The following CSMD1 variants were observed in gnomAD, a reference collection of about 807,000 sequenced individuals.
CSMD1 encodes CUB and Sushi multiple domains 1.
CSMD1 carries 213 observed loss-of-function variants against 417.5 expected under a neutral mutation model. The observed-to-expected ratio is 0.51, with a 90% CI of 0.46 to 0.57. The LOEUF (loss-of-function observed/expected upper bound fraction) is 0.57. Among genes scored for constraint, CSMD1 ranks in the 20% least tolerant of loss-of-function variants. The pLI is 0.00. For synonymous variants in CSMD1, 2,862 were observed against 1,736.8 expected, an observed-to-expected ratio of 1.65 and a Z score of -16.11; for missense variants, 6,923 against 4,529.7, an observed-to-expected ratio of 1.53 and a Z score of -15.17.
At chr8:3,939,486 G>A (rs1413870136) in intron 5 of CSMD1, among the ~76,000 whole-genome samples, 1 of 152,126 alleles carries the variant, frequency 6.6e-6, no homozygotes, top group African/African-American at 2.4e-5. Context: ...GAACTACCAT[G>A]TGATTCAGCA....
At chr8:4,332,538 G>A (rs1351721885) in intron 3 of CSMD1, among the ~76,000 whole-genome samples, 5 of 138,666 alleles carry the variant, frequency 3.6e-5, no homozygotes, top group African/African-American at 1.1e-4. Flanking sequence ...ATACCCTTCT[G>A]TCATGATATC....
chr8:3,554,387 G>T (rs1033296387), intron 10 of CSMD1, among the ~76,000 whole-genome samples: 1 of 152,206 alleles, frequency 6.6e-6, no homozygotes, highest in Non-Finnish European at 1.5e-5. Context: ...TGGGATTGAG[G>T]AGGAAGACAA....
chr8:4,738,400 G>A (rs1810378946), intron 1 of CSMD1, among the ~76,000 whole-genome samples: 2 of 152,090 alleles, frequency 1.3e-5, no homozygotes, highest in Admixed American at 6.6e-5. Flanking sequence ...TTCAAATGGT[G>A]GCAGAAGGAG....
intron 2 of CSMD1, among the ~76,000 whole-genome samples, chr8:4,551,588 C>T (rs1797870979): frequency 6.6e-6 from 1 of 152,176 alleles, no homozygotes; most frequent in Admixed American, 6.5e-5. Flanking sequence ...TGTCACCCCA[C>T]ACTCAAGATG....
chr8:4,041,296 C>G (rs57287234), intron 3 of CSMD1, among the ~76,000 whole-genome samples: 40,051 of 151,942 alleles, frequency 0.26, 5,406 homozygotes, highest in Admixed American at 0.29. Flanking sequence ...GGATTACATG[C>G]GTGAGCCACC....
chr8:4,852,114 A>G (rs187138780), intron 1 of CSMD1, among the ~76,000 whole-genome samples: 4 of 152,128 alleles, frequency 2.6e-5, no homozygotes, highest in Admixed American at 6.6e-5. Flanking sequence ...TGAAACTGCT[A>G]TTTTCTCCCA....
At chr8:3,292,749 G>C (rs1462868930) in intron 25 of CSMD1, among the ~76,000 whole-genome samples, 3 of 152,104 alleles carry the variant, frequency 2.0e-5, no homozygotes, top group Admixed American at 6.5e-5. Flanking sequence ...TTCCTGAATA[G>C]AGCACACTGA....
intron 51 of CSMD1, among the ~76,000 whole-genome samples, chr8:3,027,184 G>A (rs1348119583): frequency 6.6e-6 from 1 of 151,872 alleles, no homozygotes; most frequent in Non-Finnish European, 1.5e-5. Flanking sequence ...CAGGCCTTTT[G>A]GGGGGAAAAA....
chr8:4,105,366 G>C (rs1258799510), intron 3 of CSMD1, among the ~76,000 whole-genome samples: 1 of 151,778 alleles, frequency 6.6e-6, no homozygotes, highest in Non-Finnish European at 1.5e-5. Flanking sequence ...ATGTGCTTTA[G>C]ACATGTAACT....
chr8:4,714,281 G>A (rs922358760), intron 1 of CSMD1, among the ~76,000 whole-genome samples: 20 of 152,120 alleles, frequency 1.3e-4, no homozygotes, highest in South Asian at 8.3e-4. Flanking sequence ...ACAAACAGAT[G>A]CCATCTTTTT....
At chr8:3,804,597 T>C (rs1800628282) in intron 5 of CSMD1, among the ~76,000 whole-genome samples, 1 of 152,198 alleles carries the variant, frequency 6.6e-6, no homozygotes, top group Admixed American at 6.5e-5. Context: ...GCATATTTTG[T>C]AGTATCTTTT....
intron 1 of CSMD1, among the ~76,000 whole-genome samples, chr8:4,649,684 A>T (rs1803760814): frequency 6.6e-6 from 1 of 152,260 alleles, no homozygotes; most frequent in South Asian, 2.1e-4. Context: ...AACTACATTA[A>T]TTGGAAAAAA....
chr8:3,140,692 G>A (rs1311194534), intron 41 of CSMD1, among the ~76,000 whole-genome samples: 3 of 150,812 alleles, frequency 2.0e-5, no homozygotes, highest in Non-Finnish European at 4.4e-5. Context: ...TAAGCATTCT[G>A]TGGAATTAGG....
At chr8:3,414,813 T>A (rs574410358) in intron 12 of CSMD1, among the ~76,000 whole-genome samples, 19 of 152,302 alleles carry the variant, frequency 1.2e-4, no homozygotes, top group African/African-American at 4.3e-4. Flanking sequence ...AAATATTTAG[T>A]CCATTCTTTC....
chr8:4,960,676 C>T (rs1484596837), intron 1 of CSMD1, among the ~76,000 whole-genome samples: 1 of 152,134 alleles, frequency 6.6e-6, no homozygotes, highest in African/African-American at 2.4e-5. Context: ...TACGTACATA[C>T]ATACATGCAT....
rs66499504 is a variant in CSMD1, at chr8:3,772,189, TACACAC to T, written c.819-18153_819-18148del. ...CAACATATATATATATATATATATA[TACACAC>T]ACACACACACACACACACACATATA... is the stretch of plus-strand genomic sequence containing the variant. On this transcript the variant is annotated intron_variant, in intron 5 of 69. Coordinates refer to ENST00000635120, the MANE Select transcript of CSMD1 (RefSeq NM_033225.6). Among the ~76,000 whole-genome samples the T allele has an allele frequency of 7.5e-3, 752 of 100,876 alleles. 89 individuals are homozygous for T. Among genetic ancestry groups the T allele is most frequent in the Middle Eastern group, 0.043 (7 of 164 alleles). The allele number at this position is 100,876 out of a possible 152,430, so 66.2% of individuals were successfully genotyped here.
Position 3,468,093 on chromosome 8 carries a change from G to A in CSMD1, c.1561+619C>T, listed in dbSNP as rs531468373. On this transcript the variant is annotated intron_variant, in intron 12 of 69. Transcript: ENST00000635120. ...AGAATCCAAAGATCACAACTATATA[G>A]ACAATCAGAAATACTGAAATAAACT... is the stretch of plus-strand genomic sequence containing the variant. Among the ~76,000 whole-genome samples, 9 of 152,214 alleles carry A rather than the reference G, an allele frequency of 5.9e-5. No homozygotes were observed. The South Asian group carries it at 8.3e-4, about 14-fold the overall frequency.
chr8:4,106,648 G>A (rs985984590), intron 3 of CSMD1, among the ~76,000 whole-genome samples: 5 of 152,092 alleles, frequency 3.3e-5, no homozygotes, highest in Admixed American at 1.3e-4. Flanking sequence ...ATGTTGATAG[G>A]TATTCACTAT....
At chr8:3,078,312 G>T (rs1447421945) in intron 49 of CSMD1, among the ~76,000 whole-genome samples, 1 of 152,170 alleles carries the variant, frequency 6.6e-6, no homozygotes, top group Non-Finnish European at 1.5e-5. Context: ...ATTTCACACA[G>T]TTAGAATAGG....
Sources: allele counts gnomAD v4.1 joint callset (sites outside exome capture counted in the v4.1 genomes callset), GRCh38; gene constraint gnomAD v4.1.1; transcripts MANE v1.5; gene names NCBI Gene and HGNC (gene_info 2026-07-23, HGNC 2026-07-21).